WWC1: variants seen among roughly 807,000 people sequenced by gnomAD.
WWC1 encodes WW and C2 domain containing 1.
In WWC1, 55 loss-of-function variants were observed where a neutral mutation model predicts 138.4. The observed-to-expected ratio is 0.40, with a 90% CI of 0.32 to 0.50. The LOEUF (loss-of-function observed/expected upper bound fraction) is 0.50, where lower values mean the gene tolerates loss of function less well. Ranked by LOEUF, WWC1 falls within the 20% of genes least tolerant of loss-of-function variation. The pLI, the probability that WWC1 is intolerant of heterozygous loss-of-function variation, is 0.72. For missense variants in WWC1, 1,226 were observed against 1,420.4 expected (o/e 0.86, Z 2.20); for synonymous variants, 524 against 564.9 (o/e 0.93, Z 1.03).
chr5:168,451,901 G>GTTTTTT, intron 17 of WWC1, among the ~76,000 whole-genome samples: 1 of 83,016 alleles, frequency 1.2e-5, no homozygotes, highest in Non-Finnish European at 2.3e-5. Flanking sequence ...ATTTGTTGGT[G>GTTTTTT]TCTTTTTTTT....
At chr5:168,443,518 C>G (rs138622730) in intron 16 of WWC1, among the ~76,000 whole-genome samples, 2 of 152,166 alleles carry the variant, frequency 1.3e-5, no homozygotes, top group Non-Finnish European at 2.9e-5. Flanking sequence ...ATAAAGGTCT[C>G]GAAAACAAAC....
intron 9 of WWC1, among the ~76,000 whole-genome samples, chr5:168,418,076 TTCTC>T (rs1424239285): frequency 1.3e-5 from 2 of 152,188 alleles, no homozygotes; most frequent in Non-Finnish European, 2.9e-5. Flanking sequence ...TCGCTCCTCT[TTCTC>T]TATTCTCTGT....
intron 1 of WWC1, among the ~76,000 whole-genome samples, chr5:168,363,593 A>T (rs1776058916): frequency 6.6e-6 from 1 of 151,852 alleles, no homozygotes. Flanking sequence ...AGGTGATAGA[A>T]TACAGTGCAA....
chr5:168,372,283 G>A (rs538466502), intron 2 of WWC1, among the ~76,000 whole-genome samples: 8 of 152,230 alleles, frequency 5.3e-5, no homozygotes, highest in Admixed American at 2.0e-4. Context: ...GAGTTGATGT[G>A]TGTTTGGGCC....
intron 15 of WWC1, among the ~76,000 whole-genome samples, chr5:168,431,870 AAGC>A (rs1283878962): frequency 6.6e-6 from 1 of 152,038 alleles, no homozygotes; most frequent in Non-Finnish European, 1.5e-5. Context: ...AGGAGTTCGA[AAGC>A]AGCCTGGGCA....
At position 168,458,829 on chromosome 5, in the gene WWC1, C is replaced by T. The variant is rs79832317; in HGVS notation, c.2824-1821C>T. Among the ~76,000 whole-genome samples, 47 of 152,304 alleles carry T rather than the reference C, an allele frequency of 3.1e-4. No homozygotes were observed. The East Asian group carries it at 8.7e-3, about 28-fold the overall frequency. ...AGCTAAATTCAAGGACTTAATGTAG[C>T]TTCTGTCTTTCTTTTATATAACATA... On this transcript the variant is annotated intron_variant, in intron 19 of 22. Coordinates refer to ENST00000265293, the MANE Select transcript of WWC1 (RefSeq NM_015238.3).
intron 1 of WWC1, among the ~76,000 whole-genome samples, chr5:168,320,008 A>C (rs1211628573): frequency 6.7e-6 from 1 of 149,430 alleles, no homozygotes; most frequent in Non-Finnish European, 1.5e-5. Context: ...CCTAGTGATG[A>C]GTGATGTTGA....
chr5:168,351,690 T>C (rs1774971338), intron 1 of WWC1, among the ~76,000 whole-genome samples: 1 of 152,086 alleles, frequency 6.6e-6, no homozygotes, highest in Admixed American at 6.5e-5. Flanking sequence ...GAGAAAGGGA[T>C]TGGGCAGCCC....
intron 3 of WWC1, among the ~76,000 whole-genome samples, chr5:168,391,953 G>A (rs1778548988): frequency 1.3e-5 from 2 of 152,004 alleles, no homozygotes; most frequent in African/African-American, 2.4e-5. Flanking sequence ...TGCAAAAACT[G>A]TAGATGTTGG....
chr5:168,429,519 A>G (rs1373665121), intron 13 of WWC1, among the ~76,000 whole-genome samples: 1 of 152,088 alleles, frequency 6.6e-6, no homozygotes, highest in African/African-American at 2.4e-5. Flanking sequence ...TTGGCCTCCC[A>G]AAGTGCTGAG....
At chr5:168,388,526 G>A (rs1044343095) in intron 3 of WWC1, among the ~76,000 whole-genome samples, 3 of 152,102 alleles carry the variant, frequency 2.0e-5, no homozygotes, top group African/African-American at 7.2e-5. Context: ...AAAAAGGAAA[G>A]GAAAGAAAAT....
chr5:168,459,988 C>T (rs906026609), intron 19 of WWC1, among the ~76,000 whole-genome samples: 3 of 152,168 alleles, frequency 2.0e-5, no homozygotes, highest in Non-Finnish European at 4.4e-5. Context: ...GGCCTGATTT[C>T]TGGTCTTAGA....
intron 2 of WWC1, among the ~76,000 whole-genome samples, chr5:168,383,811 A>G (rs1777829983): frequency 6.6e-6 from 1 of 152,070 alleles, no homozygotes; most frequent in African/African-American, 2.4e-5. Context: ...CCACCCAACA[A>G]CTGGGGGTGA....
At chr5:168,339,841 C>CTTTCTTTCTTTCT (rs1773843090) in intron 1 of WWC1, among the ~76,000 whole-genome samples, 1 of 144,624 alleles carries the variant, frequency 6.9e-6, no homozygotes, top group African/African-American at 2.7e-5. Flanking sequence ...TTTTTCTTTT[C>CTTTCTTTCTTTCT]TTTCTTTCTT....
At chr5:168,342,454 G>A (rs557003628) in intron 1 of WWC1, among the ~76,000 whole-genome samples, 2 of 152,300 alleles carry the variant, frequency 1.3e-5, no homozygotes, top group African/African-American at 4.8e-5. Flanking sequence ...CCTCCTGGAA[G>A]CTCACAGTTC....
chr5:168,462,373 T>C (rs1362999790), intron 20 of WWC1, among the ~76,000 whole-genome samples: 1 of 150,592 alleles, frequency 6.6e-6, no homozygotes, highest in African/African-American at 2.5e-5. Flanking sequence ...CCCAACCCCC[T>C]CTTCTGTAGC....
At chr5:168,449,191 AT>A (rs560739424) in intron 17 of WWC1, among the ~76,000 whole-genome samples, 190 of 152,180 alleles carry the variant, frequency 1.2e-3, no homozygotes, top group Middle Eastern at 6.8e-3. Context: ...GTGAAAAGAT[AT>A]TGTTGATTTT....
chr5:168,395,299 G>A (rs1356376586), intron 3 of WWC1, among the ~76,000 whole-genome samples: 1 of 152,156 alleles, frequency 6.6e-6, no homozygotes, highest in African/African-American at 2.4e-5. Flanking sequence ...TAGAACAGAC[G>A]TCCCCCGCTC....
intron 16 of WWC1, among the ~76,000 whole-genome samples, chr5:168,443,297 C>T (rs1431320160): frequency 6.6e-6 from 1 of 152,188 alleles, no homozygotes; most frequent in Non-Finnish European, 1.5e-5. Flanking sequence ...TCCTCCTCCT[C>T]TCCTTTCCCT....
Sources: allele counts gnomAD v4.1 joint callset (sites outside exome capture counted in the v4.1 genomes callset), GRCh38; gene constraint gnomAD v4.1.1; transcripts MANE v1.5; gene names NCBI Gene and HGNC (gene_info 2026-07-23, HGNC 2026-07-21).